WDR17: variants seen among roughly 807,000 people sequenced by gnomAD.
The protein encoded by WDR17 is WD repeat domain 17.
WDR17 carries 143 observed loss-of-function variants against 161.7 expected under a neutral mutation model. That is an observed-to-expected ratio of 0.88 (90% CI 0.77 to 1.02). The LOEUF is 1.02. WDR17 is among the 50% of genes least tolerant of loss of function. The probability of loss-of-function intolerance (pLI) is 0.00; values close to 1 mark genes in which losing one functional copy is unlikely to be tolerated. For missense variants in WDR17, 1,469 were observed against 1,520.9 expected, an observed-to-expected ratio of 0.97 and a Z score of 0.57; for synonymous variants, 517 against 515.6, an observed-to-expected ratio of 1.00 and a Z score of -0.04.
chr4:176,162,123 T>A lies in WDR17; in HGVS notation c.2799T>A (p.Asp933Glu), dbSNP rs1407242404. The A allele has an allele frequency of 2.5e-6, 4 of 1,613,344 alleles. No homozygotes were observed. In the African/African-American group the frequency reaches 5.3e-5, roughly 22 times the overall value. The change falls in exon 21 of 29, where the codon GAT becomes GAA. Residue 933 changes from aspartate (D) to glutamate (E), a missense_variant. Asp to Glu is a conservative substitution (Grantham distance 45). Coordinates refer to ENST00000508596, the MANE Select transcript of WDR17 (RefSeq NM_181265.4). ...SKELAEWYFQ[D>E]GRAVLAACCH... ...AACTGGCAGAATGGTATTTTCAAGA[T>A]GGTCGAGCAGTACTAGCCGCATGTT...
At position 176,172,521 on chromosome 4, in the gene WDR17, GTAAT is replaced by G; in HGVS notation, c.3244+8_3244+11del. ...TTGGTATTAGCTTTGTTAAAGGTAA[GTAAT>G]TAGTTGGTAGTAGAATTTTAAATAT... On this transcript the variant is annotated splice_donor_region_variant and intron_variant, in intron 24 of 28. Transcript: ENST00000508596. 6.3e-7 allele frequency: 1 copy of G among 1,575,798 alleles called. No homozygotes were observed.
intron 13 of WDR17, 91 bp from the exon 14 acceptor site, chr4:176,149,716 T>C (rs1746800796): frequency 6.6e-7 from 1 of 1,510,694 alleles, no homozygotes; most frequent in Non-Finnish European, 9.0e-7. Flanking sequence ...TCTTCATAGC[T>C]TCAATTCTGT....
At chr4:176,080,080 G>A (rs1341081884) in intron 1 of WDR17, among the ~76,000 whole-genome samples, 2 of 151,990 alleles carry the variant, frequency 1.3e-5, no homozygotes, top group Non-Finnish European at 2.9e-5. Flanking sequence ...ATGAAATGTA[G>A]GGGATGCAGT....
At chr4:176,078,442 G>A (rs982701345) in intron 1 of WDR17, among the ~76,000 whole-genome samples, 1 of 151,976 alleles carries the variant, frequency 6.6e-6, no homozygotes, top group African/African-American at 2.4e-5. Flanking sequence ...TGGAGGTGGT[G>A]GGGAGGCAAA....
chr4:176,084,784 A>G (rs1393078827), intron 1 of WDR17, among the ~76,000 whole-genome samples: 1 of 147,214 alleles, frequency 6.8e-6, no homozygotes, highest in African/African-American at 2.5e-5. Context: ...ATATATATAT[A>G]TAAAATATAT....
chr4:176,147,889 TG>T (rs1167714615), intron 12 of WDR17, among the ~76,000 whole-genome samples: 1 of 152,048 alleles, frequency 6.6e-6, no homozygotes, highest in Non-Finnish European at 1.5e-5. Flanking sequence ...GAAAAGTATG[TG>T]AGGGGATGAA....
intron 22 of WDR17, among the ~76,000 whole-genome samples, chr4:176,163,901 C>G (rs547814638): frequency 3.9e-4 from 60 of 152,246 alleles, no homozygotes; most frequent in Middle Eastern, 3.4e-3. Context: ...TTCCGTCATT[C>G]CTTAGATGTT....
chr4:176,075,982 GA>G (rs981263430), intron 1 of WDR17, among the ~76,000 whole-genome samples: 2 of 150,238 alleles, frequency 1.3e-5, no homozygotes, highest in African/African-American at 2.4e-5. Context: ...CTCAAAAAAG[GA>G]AAAAAAAGTG....
chr4:176,091,785 A>G (rs921221827), intron 1 of WDR17, among the ~76,000 whole-genome samples: 5 of 152,300 alleles, frequency 3.3e-5, no homozygotes, highest in Admixed American at 2.6e-4. Flanking sequence ...GAAAAAAGAG[A>G]TATTACAACT....
intron 3 of WDR17, among the ~76,000 whole-genome samples, chr4:176,117,402 A>G (rs180908203): frequency 1.3e-5 from 2 of 152,144 alleles, no homozygotes; most frequent in Non-Finnish European, 2.9e-5. Context: ...AATTCTTTCC[A>G]TATTGTATGT....
chr4:176,170,442 A>G (rs1750560786), intron 23 of WDR17, among the ~76,000 whole-genome samples: 1 of 151,662 alleles, frequency 6.6e-6, no homozygotes. Flanking sequence ...CACCCTCCCA[A>G]GTAGCTGGGA....
chr4:176,096,592 T>C lies in WDR17; in HGVS notation c.-6-14983T>C, dbSNP rs200780092. The C allele has an allele frequency of 2.7e-4, 422 of 1,572,814 alleles. 4 individuals are homozygous for C. The highest frequency in any genetic ancestry group is 2.4e-3 in the South Asian group (205 of 85,018). On this transcript the variant is annotated intron_variant, in intron 1 of 28. Coordinates refer to ENST00000508596, the MANE Select transcript of WDR17 (RefSeq NM_181265.4). ...GTATGAAGGACTACAAAGAGTAAGA[T>C]ACATTTACTTGTAATTACGATTTCC... is the stretch of plus-strand genomic sequence containing the variant.
chr4:176,066,598 C>T (rs780803496), intron 1 of WDR17, among the ~76,000 whole-genome samples: 2 of 152,078 alleles, frequency 1.3e-5, no homozygotes, highest in African/African-American at 4.8e-5. Context: ...TCTTTGCTGT[C>T]CTCCCCTCTC....
chr4:176,115,259 G>A (rs1200092489), intron 2 of WDR17, among the ~76,000 whole-genome samples: 3 of 151,872 alleles, frequency 2.0e-5, no homozygotes, highest in East Asian at 1.9e-4. Flanking sequence ...AGAAAAATTA[G>A]GCTGTTTATT....
chr4:176,115,831 A>C lies in WDR17; in HGVS notation c.159A>C (p.Ala53=), dbSNP rs757435142. 2.5e-5 allele frequency: 41 copies of C among 1,609,486 alleles called. No homozygotes were observed. The highest frequency in any genetic ancestry group is 7.6e-6 in the Non-Finnish European group (9 of 1,177,550). The stretch of plus-strand genomic sequence containing the variant: ...GTTATAATGAATTCAAACTTCACGC[A>C]ATTATGTCTGAACATAAAAAAACAA... ...DHRYNEFKLH[A]IMSEHKKTIT... Residue 53 remains alanine (A), a synonymous_variant, in exon 3 of 29, where the codon GCA becomes GCC. Transcript: ENST00000508596.
intron 13 of WDR17, among the ~76,000 whole-genome samples, chr4:176,149,076 T>G (rs762345961): frequency 6.6e-6 from 1 of 151,954 alleles, no homozygotes; most frequent in Non-Finnish European, 1.5e-5. Flanking sequence ...AATTGAAAGG[T>G]CCCCAACTCT....
At chr4:176,172,762 G>GA (rs1179944305) in intron 24 of WDR17, among the ~76,000 whole-genome samples, 2 of 152,110 alleles carry the variant, frequency 1.3e-5, no homozygotes, top group African/African-American at 4.8e-5. Flanking sequence ...AGGTGGTGCA[G>GA]GAGCAGGCAT....
intron 21 of WDR17, among the ~76,000 whole-genome samples, chr4:176,162,939 A>T (rs2126854947): frequency 6.6e-6 from 1 of 152,184 alleles, no homozygotes; most frequent in Admixed American, 6.6e-5. Context: ...ATTCTGACCT[A>T]AAAAAAATTT....
intron 1 of WDR17, among the ~76,000 whole-genome samples, chr4:176,071,245 T>C (rs1237283627): frequency 6.6e-6 from 1 of 152,086 alleles, no homozygotes; most frequent in Non-Finnish European, 1.5e-5. Context: ...CCTTCCATAG[T>C]GTTCTCGCAA....
Sources: gnomAD v4.1 joint callset for allele counts (sites outside exome capture counted in the v4.1 genomes callset) on GRCh38, gnomAD v4.1.1 for gene constraint, MANE v1.5 for transcripts, NCBI Gene and HGNC (gene_info 2026-07-23, HGNC 2026-07-21) for gene names.